PAX6: variants seen among roughly 807,000 people sequenced by gnomAD.
PAX6 encodes paired box 6.
PAX6 carries 7 observed loss-of-function variants against 60.7 expected under a neutral mutation model. The ratio of observed to expected loss-of-function variants is 0.12; its 90% CI spans 0.07 to 0.22. The LOEUF (loss-of-function observed/expected upper bound fraction) is 0.22, where lower values mean the gene tolerates loss of function less well. PAX6 is among the 10% of genes least tolerant of loss of function. The pLI is 1.00. For synonymous variants in PAX6, 208 were observed against 201.2 expected (o/e 1.03, Z -0.29); for missense variants, 355 against 555.2 (o/e 0.64, Z 3.62).
chr11:31,811,051 T>C (rs1393905513), intron 1 of PAX6, 36 bp from the exon 2 acceptor site: 1 of 399,178 alleles, frequency 2.5e-6, no homozygotes, highest in Admixed American at 4.4e-5. Flanking sequence ...TAAAATGGGC[T>C]GTCAGCGGCT....
chr11:31,804,769 G>A (rs1429480245), intron 4 of PAX6: 2 of 152,284 alleles, frequency 1.3e-5, no homozygotes, highest in Non-Finnish European at 2.9e-5. Flanking sequence ...GCAATTCCCA[G>A]TCTGCTAATG....
upstream of PAX6, chr11:31,813,167 G>A (rs1170781097): frequency 1.3e-5 from 2 of 152,168 alleles, no homozygotes; most frequent in African/African-American, 4.8e-5. Context: ...AGGTGAAGGA[G>A]GTGGCGCCGG....
intron 2 of PAX6, 161 bp downstream of exon 2, chr11:31,810,667 G>T (rs1956882954): frequency 2.5e-6 from 1 of 395,656 alleles, no homozygotes; most frequent in African/African-American, 2.1e-5. Context: ...GCTGGAAGTA[G>T]AAAGTTTGGG....
intron 1 of PAX6, among the ~76,000 whole-genome samples, chr11:31,817,031 C>T (rs1957413870): frequency 2.6e-5 from 4 of 152,254 alleles, no homozygotes; most frequent in Admixed American, 2.0e-4. Flanking sequence ...TCTGGCCCTC[C>T]AAGGGCCGCA....
chr11:31,800,930 C>T (rs1445689630), intron 7 of PAX6, 74 bp from the exon 8 acceptor site: 5 of 1,510,794 alleles, frequency 3.3e-6, no homozygotes, highest in Non-Finnish European at 4.6e-6. Context: ...AGCTCACCCA[C>T]AACCTTAAAA....
At chr11:31,790,233 T>C in intron 13 of PAX6, 1 of 535,204 alleles carries the variant, frequency 1.9e-6, no homozygotes, top group East Asian at 3.3e-5. Flanking sequence ...GGATCCCAAG[T>C]ACCCCCCACC....
intron 8 of PAX6, among the ~76,000 whole-genome samples, chr11:31,797,307 C>G (rs905863169): frequency 1.3e-5 from 2 of 152,188 alleles, no homozygotes; most frequent in Admixed American, 6.5e-5. Context: ...ATAGCATGCT[C>G]TGCTCTCATT....
In PAX6 at chr11:31,801,455, G is replaced by C. The variant is rs1953807363; in HGVS notation, c.399+106C>G. On this transcript the variant is annotated intron_variant, in intron 7 of 13. Transcript: ENST00000640368. ...ACAAAGGAGACAAATGTGGAGCAGG[G>C]AGAGGACACAGACTAAGAGACAGTG... 30 of 1,589,502 alleles carry C rather than the reference G, an allele frequency of 1.9e-5. No homozygotes were observed. The South Asian group carries it at 3.2e-4, about 17-fold the overall frequency.
At position 31,794,146 on chromosome 11, in the gene PAX6, C is replaced by T. The variant is rs199879076; in HGVS notation, c.725-32G>A. On this transcript the variant is annotated intron_variant, in intron 9 of 13. Coordinates refer to ENST00000640368, the MANE Select transcript of PAX6 (RefSeq NM_001368894.2). ...GAGTAAGTTGATTTTCCATATTGTG[C>T]CAGAACTACACAAAATATGTTGACC... 14 of 1,412,268 alleles carry T rather than the reference C, an allele frequency of 9.9e-6. No individual in the cohort carries two copies. The East Asian group carries it at 2.7e-4, about 28-fold the overall frequency. 87.5% of individuals were successfully genotyped at this position (1,412,268 alleles called of 1,614,324 possible). A position where few individuals can be genotyped will look rare whatever the true frequency, so the allele number is the denominator to read the frequency against.
intron 8 of PAX6, among the ~76,000 whole-genome samples, chr11:31,796,359 A>G (rs1215416594): frequency 6.6e-6 from 1 of 152,126 alleles, no homozygotes; most frequent in Non-Finnish European, 1.5e-5. Context: ...TTGTGTTACA[A>G]GAAGCCCAGT....
At chr11:31,799,342 G>T (rs1342760377) in intron 8 of PAX6, among the ~76,000 whole-genome samples, 1 of 152,070 alleles carries the variant, frequency 6.6e-6, no homozygotes, top group Non-Finnish European at 1.5e-5. Context: ...GGCCTCCGCC[G>T]GCCGAGCGGC....
At chr11:31,793,330 C>T (rs751584912) in intron 12 of PAX6, 108 bp downstream of exon 12, 19 of 911,624 alleles carry the variant, frequency 2.1e-5, no homozygotes, top group African/African-American at 3.2e-5. Flanking sequence ...CACTGTAGTG[C>T]GAAAAGCTCT....
intron 4 of PAX6, chr11:31,803,286 G>T (rs1954715977): frequency 4.6e-6 from 1 of 215,408 alleles, no homozygotes; most frequent in Non-Finnish European, 9.5e-6. Context: ...CTAAGAACCG[G>T]CTCTATAAAT....
upstream of PAX6, chr11:31,811,634 T>C: frequency 6.1e-6 from 1 of 162,766 alleles, no homozygotes; most frequent in Non-Finnish European, 1.3e-5. Context: ...GCGCCCCCAC[T>C]CCCCCTAAGC....
At position 31,793,534 on chromosome 11, in the gene PAX6, G is replaced by A. The variant is rs115833025; in HGVS notation, c.978C>T (p.Gly326=). The change falls in exon 12 of 14, where the codon GGC becomes GGT. Residue 326 remains glycine, a synonymous_variant. Coordinates refer to ENST00000640368, the MANE Select transcript of PAX6 (RefSeq NM_001368894.2). The part of the protein sequence containing the change: ...PTTPVSSFTS[G]SMLGRTDTAL... ...CTGTGTCTGTTCGGCCCAACATGGA[G>A]CCAGATGTGAAGGAGGAAACTGAGG... 97 of 1,614,228 alleles carry A rather than the reference G, an allele frequency of 6.0e-5. No individual in the cohort carries two copies. The African/African-American group carries it at 1.0e-3, about 17-fold the overall frequency.
rs3026373 is a variant in PAX6, at chr11:31,802,386, G to C, written c.141+318C>G. 7 of 358,572 alleles carry C rather than the reference G, an allele frequency of 2.0e-5. No homozygotes were observed. The South Asian group carries it at 2.8e-4, about 15-fold the overall frequency. 22.2% of individuals were successfully genotyped at this position (358,572 alleles called of 1,614,324 possible). ...CGGTTTATATAACTCAGCTTATTAC[G>C]GTTCATAAACTGTTCCCACAATGAA... On this transcript the variant is annotated intron_variant, in intron 5 of 13. Coordinates refer to ENST00000640368, the MANE Select transcript of PAX6 (RefSeq NM_001368894.2).
chr11:31,799,691 G>A (rs1274463811), intron 8 of PAX6, among the ~76,000 whole-genome samples: 1 of 152,104 alleles, frequency 6.6e-6, no homozygotes, highest in African/African-American at 2.4e-5. Context: ...GAGGCGCCGG[G>A]CATCCGGAGC....
At chr11:31,802,193 T>A (rs1592553442) in intron 5 of PAX6, 3 of 450,780 alleles carry the variant, frequency 6.7e-6, no homozygotes, top group South Asian at 2.9e-5. Context: ...CTGATTTTTT[T>A]ACTTCTTCTT....
intron 11 of PAX6, 43 bp from the exon 12 acceptor site, chr11:31,793,596 G>C: frequency 6.2e-7 from 1 of 1,613,108 alleles, no homozygotes; most frequent in Non-Finnish European, 8.5e-7. Flanking sequence ...GAGAGTCAGA[G>C]CCCGGAGCAA....
Sources: gnomAD v4.1 joint callset for allele counts (sites outside exome capture counted in the v4.1 genomes callset) on GRCh38, gnomAD v4.1.1 for gene constraint, MANE v1.5 for transcripts, NCBI Gene and HGNC (gene_info 2026-07-23, HGNC 2026-07-21) for gene names.